Variants in KCNIP4 observed in about 807,000 individuals in gnomAD.
The protein encoded by KCNIP4 is Kv channel-interacting protein 4.
Under a neutral mutation model 34.0 loss-of-function variants are expected in KCNIP4, and 12 were observed. The ratio of observed to expected loss-of-function variants is 0.35; its 90% CI spans 0.23 to 0.57. KCNIP4 has a LOEUF of 0.57. Ranked by LOEUF, KCNIP4 falls within the 20% of genes least tolerant of loss-of-function variation. KCNIP4 has a pLI of 0.83. For missense variants in KCNIP4, 238 were observed against 311.7 expected (o/e 0.76, Z 1.78); for synonymous variants, 124 against 102.2 (o/e 1.21, Z -1.29).
chr4:21,143,871 T>G (rs774058739), intron 1 of KCNIP4, among the ~76,000 whole-genome samples: 43,777 of 127,550 alleles, frequency 0.34, 6,395 homozygotes, highest in Non-Finnish European at 0.36. Context: ...CCCAGCTAGT[T>G]TTTTTTTTTT....
chr4:20,993,845 G>C (rs1272777419), intron 1 of KCNIP4, among the ~76,000 whole-genome samples: 1 of 152,202 alleles, frequency 6.6e-6, no homozygotes, highest in African/African-American at 2.4e-5. Flanking sequence ...CTTAAATCAA[G>C]GTGTTGGCAG....
chr4:21,747,188 C>T (rs1716833605), intron 1 of KCNIP4, among the ~76,000 whole-genome samples: 1 of 152,078 alleles, frequency 6.6e-6, no homozygotes, highest in African/African-American at 2.4e-5. Flanking sequence ...CAAACCCAAC[C>T]CATTTATGCC....
At chr4:21,167,705 A>T (rs1753729786) in intron 1 of KCNIP4, among the ~76,000 whole-genome samples, 1 of 152,210 alleles carries the variant, frequency 6.6e-6, no homozygotes, top group African/African-American at 2.4e-5. Flanking sequence ...ATTTAAATGA[A>T]TCAATGCTCT....
At chr4:21,102,260 G>A (rs928434134) in intron 1 of KCNIP4, among the ~76,000 whole-genome samples, 1 of 152,112 alleles carries the variant, frequency 6.6e-6, no homozygotes, top group African/African-American at 2.4e-5. Context: ...AATCAGTTGG[G>A]TGACTGGTGA....
chr4:21,513,500 G>A (rs1397260247), intron 1 of KCNIP4, among the ~76,000 whole-genome samples: 1 of 152,146 alleles, frequency 6.6e-6, no homozygotes, highest in Non-Finnish European at 1.5e-5. Flanking sequence ...CTGGCATGAA[G>A]AAATCAGAAA....
chr4:20,764,758 CA>C (rs1277127030), intron 3 of KCNIP4, among the ~76,000 whole-genome samples: 14 of 151,644 alleles, frequency 9.2e-5, no homozygotes, highest in African/African-American at 3.4e-4. Context: ...ATCCAATCGT[CA>C]TTCTGAAAAT....
chr4:21,130,608 G>C (rs919251639), intron 1 of KCNIP4, among the ~76,000 whole-genome samples: 8 of 152,138 alleles, frequency 5.3e-5, no homozygotes, highest in African/African-American at 1.9e-4. Context: ...CCATGTAGGA[G>C]CTATTTAAAA....
intron 1 of KCNIP4, among the ~76,000 whole-genome samples, chr4:21,812,394 T>A (rs1374246013): frequency 1.3e-5 from 2 of 152,172 alleles, no homozygotes; most frequent in Non-Finnish European, 2.9e-5. Flanking sequence ...TTATAGGGAA[T>A]GCCAGCAAAT....
intron 1 of KCNIP4, among the ~76,000 whole-genome samples, chr4:21,093,324 T>C (rs1183692839): frequency 6.6e-6 from 1 of 152,228 alleles, no homozygotes; most frequent in East Asian, 1.9e-4. Flanking sequence ...ACAATTACAA[T>C]GTGACTTTAC....
rs149435225 is a variant in KCNIP4 at position 20,867,664 on chromosome 4, T to C, written c.163+14944A>G. 8.2e-4 allele frequency among the ~76,000 whole-genome samples: 125 copies of C among 152,138 alleles called. 3 individuals are homozygous for C. The East Asian group carries it at 0.024, about 29-fold the overall frequency. ...AAAAACAATTGTAACAAAACAAAAA[T>C]AGACAAGTGGGACCTAATTAAACTC... On this transcript the variant is annotated intron_variant, in intron 2 of 8. Transcript: ENST00000382152.
At position 21,019,015 on chromosome 4, in the gene KCNIP4, T is replaced by G. The variant is rs139725427; in HGVS notation, c.62-136306A>C. Among the ~76,000 whole-genome samples the G allele has an allele frequency of 2.3e-4, 35 of 152,320 alleles. No individual in the cohort carries two copies. The East Asian group carries it at 6.8e-3, about 30-fold the overall frequency. On this transcript the variant is annotated intron_variant, in intron 1 of 8. Coordinates refer to ENST00000382152, the MANE Select transcript of KCNIP4 (RefSeq NM_025221.6). ...TGTATTTTCTCACTCTTCTAGCAGCTAAAAATCTGAGTTTAATAAGTGTCC... is the reference window on the plus strand; with the variant it reads ...TGTATTTTCTCACTCTTCTAGCAGCGAAAAATCTGAGTTTAATAAGTGTCC...
At chr4:21,108,813 G>T (rs28885732) in intron 1 of KCNIP4, among the ~76,000 whole-genome samples, 2 of 151,786 alleles carry the variant, frequency 1.3e-5, no homozygotes, top group Non-Finnish European at 2.9e-5. Flanking sequence ...TTTTCCTTCT[G>T]ACAGACAGGA....
At chr4:21,785,620 A>AAAAT (rs1464480076) in intron 1 of KCNIP4, among the ~76,000 whole-genome samples, 1 of 149,630 alleles carries the variant, frequency 6.7e-6, no homozygotes, top group Non-Finnish European at 1.5e-5. Flanking sequence ...TAAATAAAAT[A>AAAAT]AAAAAATAAC....
chr4:21,578,980 C>A (rs1342622961), intron 1 of KCNIP4, among the ~76,000 whole-genome samples: 1 of 152,194 alleles, frequency 6.6e-6, no homozygotes, highest in Admixed American at 6.5e-5. Context: ...CGCTACTACT[C>A]AACATTTGTT....
intron 1 of KCNIP4, among the ~76,000 whole-genome samples, chr4:21,521,348 G>A (rs558837238): frequency 2.0e-5 from 3 of 152,176 alleles, no homozygotes; most frequent in African/African-American, 7.2e-5. Flanking sequence ...CCCACATATG[G>A]TTGTGGTAAG....
intron 1 of KCNIP4, among the ~76,000 whole-genome samples, chr4:21,058,626 T>G (rs1743632100): frequency 6.6e-6 from 1 of 152,190 alleles, no homozygotes; most frequent in East Asian, 1.9e-4. Context: ...TGGCATTTAC[T>G]AAGCCTCCAG....
intron 3 of KCNIP4, among the ~76,000 whole-genome samples, chr4:20,785,486 A>G (rs1711855400): frequency 6.6e-6 from 1 of 152,090 alleles, no homozygotes. Flanking sequence ...TCCAAAATCA[A>G]TTACCTGGGA....
intron 1 of KCNIP4, among the ~76,000 whole-genome samples, chr4:21,799,751 C>A (rs1159296635): frequency 6.6e-6 from 1 of 152,176 alleles, no homozygotes; most frequent in East Asian, 1.9e-4. Context: ...ACATGTCAAC[C>A]ATTTAACAAA....
intron 1 of KCNIP4, among the ~76,000 whole-genome samples, chr4:21,405,358 T>C (rs759910240): frequency 3.9e-5 from 6 of 152,264 alleles, no homozygotes; most frequent in Non-Finnish European, 2.9e-5. Context: ...GCATCCTTAT[T>C]GTGTATCATT....
Sources: allele counts gnomAD v4.1 joint callset (sites outside exome capture counted in the v4.1 genomes callset), GRCh38; gene constraint gnomAD v4.1.1; transcripts MANE v1.5; gene names NCBI Gene and HGNC (gene_info 2026-07-23, HGNC 2026-07-21).